Variants in HDAC9 observed in about 807,000 individuals in gnomAD.
The protein encoded by HDAC9 is histone deacetylase 9, also known as MEF-2 interacting transcription repressor (MITR) protein.
HDAC9 carries 41 observed loss-of-function variants against 139.4 expected under a neutral mutation model. The observed-to-expected ratio is 0.29, with a 90% confidence interval of 0.23 to 0.38. HDAC9 has a LOEUF of 0.38. Among genes scored for constraint, HDAC9 ranks in the 10% least tolerant of loss-of-function variants. The probability of loss-of-function intolerance (pLI) is 1.00; values close to 1 mark genes in which losing one functional copy is unlikely to be tolerated. For missense variants in HDAC9, 1,147 were observed against 1,297.0 expected (o/e 0.88, Z 1.78); for synonymous variants, 517 against 476.2 (o/e 1.09, Z -1.12).
At chr7:18,383,849 A>G (rs570886459) in intron 1 of HDAC9, among the ~76,000 whole-genome samples, 1 of 151,066 alleles carries the variant, frequency 6.6e-6, no homozygotes, top group East Asian at 2.0e-4. Context: ...AGATTGCACC[A>G]CTGCACTCCA....
chr7:18,139,041 T>A lies in HDAC9; in HGVS notation c.-96-23188T>A, dbSNP rs148535975. 4.5e-3 allele frequency among the ~76,000 whole-genome samples: 683 copies of A among 152,224 alleles called. 19 individuals carry two copies. Among genetic ancestry groups the A allele is most frequent in the Admixed American group, 0.034 (521 of 15,278 alleles). On this transcript the variant is annotated intron_variant, in intron 1 of 12. Transcript: ENST00000417496. ...TAAAATTTTCTTTTAAATGATTCAT[T>A]CTAGACAGTGGAAAGTATGCTTAAG...
intron 12 of HDAC9, among the ~76,000 whole-genome samples, chr7:18,710,481 C>A (rs1207187453): frequency 6.6e-6 from 1 of 152,098 alleles, no homozygotes; most frequent in East Asian, 1.9e-4. Flanking sequence ...CAGATATGTA[C>A]AGAAACACAC....
intron 1 of HDAC9, among the ~76,000 whole-genome samples, chr7:18,390,827 G>A (rs967162714): frequency 5.9e-5 from 9 of 152,124 alleles, no homozygotes; most frequent in East Asian, 1.9e-4. Context: ...GGTGGCTCAC[G>A]CCTGTAATCC....
At chr7:18,787,698 C>T (rs1448016124) in intron 16 of HDAC9, among the ~76,000 whole-genome samples, 2 of 152,212 alleles carry the variant, frequency 1.3e-5, no homozygotes, top group African/African-American at 4.8e-5. Flanking sequence ...TTAGAGACTT[C>T]TGCCCAGAAT....
At chr7:18,804,100 A>G (rs1204295129) in intron 17 of HDAC9, among the ~76,000 whole-genome samples, 3 of 152,234 alleles carry the variant, frequency 2.0e-5, no homozygotes, top group Admixed American at 1.3e-4. Context: ...AGCTAGAGGA[A>G]GGCTGAGCAA....
intron 22 of HDAC9, among the ~76,000 whole-genome samples, chr7:18,881,607 C>A (rs1799743419): frequency 6.6e-6 from 1 of 152,020 alleles, no homozygotes; most frequent in African/African-American, 2.4e-5. Context: ...TCCTAAGTGT[C>A]TAATTTTTTC....
At chr7:18,807,036 A>C (rs12699983) in intron 17 of HDAC9, among the ~76,000 whole-genome samples, 37,191 of 152,028 alleles carry the variant, frequency 0.24, 4,827 homozygotes, top group African/African-American at 0.3. Context: ...ATTTGCATTA[A>C]TTCTTTAAAT....
Position 18,247,991 on chromosome 7 carries a change from G to T in HDAC9, c.25+85642G>T, listed in dbSNP as rs111287593. On this transcript the variant is annotated intron_variant, in intron 2 of 12. Coordinates refer to the HDAC9 transcript ENST00000417496. ...AAATGTGGAAAATTTTGAAGTCATG[G>T]GGAGAATATCTGAATAGCTTTTCCT... Among the ~76,000 whole-genome samples, 295 of 152,172 alleles carry T rather than the reference G, an allele frequency of 1.9e-3. 1 individual carries two copies. Among genetic ancestry groups the T allele is most frequent in the African/African-American group, 6.5e-3 (270 of 41,528 alleles).
At chr7:18,556,951 C>T (rs958642137) in intron 2 of HDAC9, among the ~76,000 whole-genome samples, 6 of 152,008 alleles carry the variant, frequency 3.9e-5, no homozygotes, top group Non-Finnish European at 2.9e-5. Context: ...TATTTGCTTC[C>T]TGTATGGCAA....
intron 2 of HDAC9, among the ~76,000 whole-genome samples, chr7:18,235,725 T>G (rs1335104330): frequency 1.3e-5 from 2 of 152,214 alleles, no homozygotes; most frequent in Non-Finnish European, 2.9e-5. Context: ...AGGGAAGATA[T>G]TAGCCTTATT....
intron 23 of HDAC9, among the ~76,000 whole-genome samples, chr7:18,938,230 CA>C (rs71553939): frequency 0.094 from 7,037 of 75,042 alleles, 80 homozygotes; most frequent in African/African-American, 0.18. Context: ...GACTCCGTCT[CA>C]AAAAAAAAAA....
intron 25 of HDAC9, among the ~76,000 whole-genome samples, chr7:18,990,157 G>T (rs1785757619): frequency 6.6e-6 from 1 of 152,124 alleles, no homozygotes; most frequent in Non-Finnish European, 1.5e-5. Flanking sequence ...CAGTTTTTCT[G>T]CTCTGTTTTT....
chr7:18,226,970 G>A (rs768076346), intron 2 of HDAC9, among the ~76,000 whole-genome samples: 1 of 152,212 alleles, frequency 6.6e-6, no homozygotes, highest in African/African-American at 2.4e-5. Context: ...GGGAAGCAAA[G>A]CTAGAGAGAG....
intron 12 of HDAC9, among the ~76,000 whole-genome samples, chr7:18,669,604 A>G (rs1057187455): frequency 5.9e-5 from 9 of 151,940 alleles, no homozygotes; most frequent in Admixed American, 1.3e-4. Flanking sequence ...TGCTAATTAT[A>G]ATTTCCTGAA....
intron 2 of HDAC9, among the ~76,000 whole-genome samples, chr7:18,203,863 C>T (rs1791306043): frequency 6.6e-6 from 1 of 152,140 alleles, no homozygotes; most frequent in Admixed American, 6.5e-5. Flanking sequence ...CTTCTGGTTA[C>T]ATTTATCGAA....
At chr7:18,418,406 T>C (rs1223625264) in intron 1 of HDAC9, among the ~76,000 whole-genome samples, 2 of 145,796 alleles carry the variant, frequency 1.4e-5, no homozygotes, top group Non-Finnish European at 3.0e-5. Flanking sequence ...TTTTTAAAAA[T>C]TGGAAAAGTA....
At chr7:18,182,276 A>G (rs1789507611) in intron 2 of HDAC9, among the ~76,000 whole-genome samples, 2 of 152,360 alleles carry the variant, frequency 1.3e-5, no homozygotes, top group South Asian at 4.1e-4. Flanking sequence ...AGGTTGATAT[A>G]TACTTTTTAA....
At chr7:18,815,265 AT>A (rs71553935) in intron 17 of HDAC9, among the ~76,000 whole-genome samples, 4,710 of 151,188 alleles carry the variant, frequency 0.031, 106 homozygotes, top group Admixed American at 0.056. Flanking sequence ...AAAATATCTG[AT>A]TTTTTTTTGA....
chr7:18,423,531 A>G (rs562666982), intron 1 of HDAC9, among the ~76,000 whole-genome samples: 22 of 152,348 alleles, frequency 1.4e-4, no homozygotes, highest in Admixed American at 9.8e-4. Context: ...CCCACAACAT[A>G]GTGACATAAA....
Sources: allele counts gnomAD v4.1 joint callset (sites outside exome capture counted in the v4.1 genomes callset), GRCh38; gene constraint gnomAD v4.1.1; transcripts MANE v1.5; gene names NCBI Gene and HGNC (gene_info 2026-07-23, HGNC 2026-07-21).